UPRT: variants seen among roughly 807,000 people sequenced by gnomAD.
The protein encoded by UPRT is RP11-311P8.3.
A neutral mutation model predicts 22.6 loss-of-function variants in UPRT; 5 were observed. The observed-to-expected ratio is 0.22, with a 90% CI of 0.12 to 0.47. The LOEUF (loss-of-function observed/expected upper bound fraction) is 0.47. Among genes scored for constraint, UPRT ranks in the 20% least tolerant of loss-of-function variants. The probability of loss-of-function intolerance (pLI) is 0.99; values close to 1 mark genes in which losing one functional copy is unlikely to be tolerated. For synonymous variants in UPRT, 77 were observed against 87.7 expected (o/e 0.88, Z 0.68); for missense variants, 181 against 239.9 (o/e 0.75, Z 1.62).
chrX:75,254,996 C>T lies in UPRT; in HGVS notation c.-446-36028C>T, dbSNP rs1189449346. On this transcript the variant is annotated intron_variant, in intron 4 of 13. Transcript: ENST00000652605. ...TTCACCTTGTTAGCCAGGATGGTCT[C>T]GATCTCCTGACCTCATGATCCACCC... 4.5e-5 allele frequency among the ~76,000 whole-genome samples: 5 copies of T among 109,949 alleles called. No individual in the cohort carries two copies. The East Asian group carries it at 1.1e-3, about 25-fold the overall frequency.
At chrX:75,254,131 T>C (rs935791620) in intron 4 of UPRT, among the ~76,000 whole-genome samples, 1 of 111,707 alleles carries the variant, frequency 9.0e-6, no homozygotes, top group Non-Finnish European at 1.9e-5. Flanking sequence ...AGGAAAGCCA[T>C]ACTTGCTTTG....
At chrX:75,197,233 G>C (rs967955525) in intron 4 of UPRT, among the ~76,000 whole-genome samples, 4 of 111,871 alleles carry the variant, frequency 3.6e-5, no homozygotes, top group Admixed American at 1.9e-4. Flanking sequence ...CTGAAACCAA[G>C]AATTTTGGTT....
chrX:75,255,563 A>G (rs2082547022), intron 4 of UPRT, among the ~76,000 whole-genome samples: 1 of 112,023 alleles, frequency 8.9e-6, no homozygotes, highest in Non-Finnish European at 1.9e-5. Flanking sequence ...GAAGATACAG[A>G]ACCGCAGAAT....
At chrX:75,201,609 G>GA (rs913183368) in intron 4 of UPRT, 1 of 115,806 alleles carries the variant, frequency 8.6e-6, no homozygotes, top group African/African-American at 3.2e-5. Context: ...GGCTATGCAG[G>GA]AAAAAACCTA....
At chrX:75,267,446 G>A (rs1265773119) in intron 4 of UPRT, among the ~76,000 whole-genome samples, 1 of 111,684 alleles carries the variant, frequency 9.0e-6, no homozygotes, top group African/African-American at 3.3e-5. Context: ...GAAGGTGGGA[G>A]GGATAGCATT....
intron 4 of UPRT, among the ~76,000 whole-genome samples, chrX:75,186,458 G>T (rs2082292066): frequency 9.0e-6 from 1 of 111,291 alleles, no homozygotes; most frequent in Non-Finnish European, 1.9e-5. Context: ...GGTCAATTTT[G>T]GAATAGGTGT....
intron 2 of UPRT, among the ~76,000 whole-genome samples, chrX:75,294,841 C>T (rs962757367): frequency 1.8e-5 from 2 of 111,815 alleles, no homozygotes; most frequent in South Asian, 7.4e-4. Context: ...AAAACGGTTC[C>T]TCTTTCTTTT....
At chrX:75,254,845 G>A (rs1292858217) in intron 4 of UPRT, among the ~76,000 whole-genome samples, 4 of 102,154 alleles carry the variant, frequency 3.9e-5, no homozygotes, top group African/African-American at 1.5e-4. Flanking sequence ...GCGCAATCTC[G>A]GCACACTGCA....
At chrX:75,259,203 A>C (rs2082559765) in intron 4 of UPRT, among the ~76,000 whole-genome samples, 4 of 110,689 alleles carry the variant, frequency 3.6e-5, no homozygotes. Context: ...CAAAAACCAA[A>C]ATGCCTCTAC....
At chrX:75,172,040 T>G (rs2082229587) in intron 4 of UPRT, among the ~76,000 whole-genome samples, 1 of 112,043 alleles carries the variant, frequency 8.9e-6, no homozygotes, top group East Asian at 2.8e-4. Context: ...TTTAATGCAC[T>G]ATTTTTATGC....
chrX:75,233,794 A>T (rs985642865), intron 4 of UPRT, among the ~76,000 whole-genome samples: 1 of 111,477 alleles, frequency 9.0e-6, no homozygotes, highest in East Asian at 2.8e-4. Context: ...AGCACTAAAC[A>T]TGGAAAGGAA....
intron 4 of UPRT, among the ~76,000 whole-genome samples, chrX:75,233,348 T>G (rs1429277676): frequency 1.8e-5 from 2 of 111,337 alleles, no homozygotes; most frequent in African/African-American, 3.3e-5. Context: ...TGGAACCAAG[T>G]TGGAAAACAC....
At chrX:75,199,430 A>G (rs2082341691) in intron 4 of UPRT, among the ~76,000 whole-genome samples, 1 of 111,492 alleles carries the variant, frequency 9.0e-6, no homozygotes, top group Non-Finnish European at 1.9e-5. Context: ...AGAAGGGAAC[A>G]TGATGCTTTG....
At chrX:75,234,576 A>G (rs1444928346) in intron 4 of UPRT, among the ~76,000 whole-genome samples, 64 of 112,098 alleles carry the variant, frequency 5.7e-4, no homozygotes, top group Non-Finnish European at 1.1e-3. Context: ...CAGAAATTAT[A>G]ACAAACTATC....
At chrX:75,188,613 TC>T (rs1050778950) in intron 4 of UPRT, among the ~76,000 whole-genome samples, 22 of 112,209 alleles carry the variant, frequency 2.0e-4, no homozygotes, top group Admixed American at 1.9e-4. Context: ...CGGGCGCCCC[TC>T]CCCGAGCCTC....
chrX:75,231,343 GA>G (rs1299537258), intron 4 of UPRT, among the ~76,000 whole-genome samples: 1 of 111,287 alleles, frequency 9.0e-6, no homozygotes, highest in Non-Finnish European at 1.9e-5. Context: ...ACAATTAGAA[GA>G]AAAAACTTCC....
chrX:75,237,544 A>G lies in UPRT; in HGVS notation c.-446-53480A>G, dbSNP rs752785928. On this transcript the variant is annotated intron_variant, in intron 4 of 13. Coordinates refer to the UPRT transcript ENST00000652605. ...TTCACAATAGCAAAGACTTGGAACC[A>G]ACCCAAATGTCCAACAATGATAGAC... Among the ~76,000 whole-genome samples the G allele has an allele frequency of 8.7e-3, 962 of 110,408 alleles. 12 individuals are homozygous for G. The highest frequency in any genetic ancestry group is 0.029 in the African/African-American group (883 of 30,318).
At chrX:75,268,656 A>G (rs1176292645) in intron 4 of UPRT, among the ~76,000 whole-genome samples, 1 of 110,566 alleles carries the variant, frequency 9.0e-6, no homozygotes, top group African/African-American at 3.3e-5. Flanking sequence ...AATGACAAAA[A>G]CCACATGATT....
intron 6 of UPRT, among the ~76,000 whole-genome samples, chrX:75,303,175 A>G (rs779914547): frequency 7.1e-5 from 8 of 112,082 alleles, no homozygotes; most frequent in Non-Finnish European, 1.5e-4. Context: ...AGTATAAAAT[A>G]ATAATTCTAA....
Sources: gnomAD v4.1 joint callset for allele counts (sites outside exome capture counted in the v4.1 genomes callset) on GRCh38, gnomAD v4.1.1 for gene constraint, MANE v1.5 for transcripts, NCBI Gene and HGNC (gene_info 2026-07-23, HGNC 2026-07-21) for gene names.